Variants in CYB5R1 observed in about 807,000 individuals in gnomAD.
CYB5R1 encodes cytochrome b5 reductase 1, also known as NADH-cytochrome b5 reductase 1.
A neutral mutation model predicts 37.4 loss-of-function variants in CYB5R1; 32 were observed. The observed-to-expected ratio is 0.86, with a 90% CI of 0.65 to 1.15. The LOEUF (loss-of-function observed/expected upper bound fraction) is 1.15. Among genes scored for constraint, CYB5R1 ranks in the 50% most tolerant of loss-of-function variants. The probability of loss-of-function intolerance (pLI) is 0.00; values close to 1 mark genes in which losing one functional copy is unlikely to be tolerated. For synonymous variants in CYB5R1, 159 were observed against 155.2 expected (o/e 1.02, Z -0.18); for missense variants, 345 against 382.5 (o/e 0.90, Z 0.82).
Position 202,965,393 on chromosome 1 carries a change from C to T in CYB5R1, c.453G>A (p.Gly151=). 1 of 1,598,690 alleles carries T rather than the reference C, an allele frequency of 6.3e-7. No homozygotes were observed. The highest frequency in any genetic ancestry group is 8.5e-7 in the Non-Finnish European group (1 of 1,172,864). The change falls in exon 5 of 9, where the codon GGG becomes GGA. Residue 151 remains glycine (G), a synonymous_variant. Transcript: ENST00000367249. ...GDVVEFRGPS[G]LLTYTGKGHF... ...TACCTTTTCCAGTGTAAGTGAGCAA[C>T]CCGCTTGGCCCCCGAAACTCCACCA... is the stretch of plus-strand genomic sequence containing the variant.
intron 3 of CYB5R1, 55 bp from the exon 4 acceptor site, chr1:202,966,048 C>T (rs1655087317): frequency 4.5e-6 from 5 of 1,115,784 alleles, no homozygotes. Context: ...CTGCATCCCT[C>T]AAAATACTCA....
intron 4 of CYB5R1, 72 bp downstream of exon 4, chr1:202,965,815 A>C (rs1267226700): frequency 8.7e-7 from 1 of 1,152,192 alleles, no homozygotes; most frequent in East Asian, 2.4e-5. Flanking sequence ...GCTGTCAGGC[A>C]AATCTTAGAA....
chr1:202,964,780 T>A, intron 5 of CYB5R1, 85 bp from the exon 6 acceptor site: 1 of 937,278 alleles, frequency 1.1e-6, no homozygotes, highest in Admixed American at 1.8e-5. Context: ...AAAATATGCC[T>A]GAGGCCAGTT....
Position 202,964,918 on chromosome 1 carries a change from G to A in CYB5R1, c.476-223C>T, listed in dbSNP as rs1571577400. ...GTGAGTCAGTTCAGCGCCACACAAT[G>A]TATCAGCTGCTTCTGGCAAAGTGTC... On this transcript the variant is annotated intron_variant, in intron 5 of 8. Coordinates refer to ENST00000367249, the MANE Select transcript of CYB5R1 (RefSeq NM_016243.3). 5.2e-5 allele frequency: 29 copies of A among 554,694 alleles called. No individual in the cohort carries two copies. In the East Asian group the frequency reaches 7.8e-4, roughly 15 times the overall value. 34.4% of individuals were successfully genotyped at this position (554,694 alleles called of 1,614,324 possible).
At position 202,967,057 on chromosome 1, in the gene CYB5R1, GGAC is replaced by G; in HGVS notation, c.15+131_15+133del. 13 of 1,429,432 alleles carry G rather than the reference GGAC, an allele frequency of 9.1e-6. No homozygotes were observed. The South Asian group carries it at 1.5e-4, about 16-fold the overall frequency. The allele number at this position is 1,429,432 out of a possible 1,614,324, so 88.5% of individuals were successfully genotyped here. On this transcript the variant is annotated intron_variant, in intron 1 of 8. Coordinates refer to ENST00000367249, the MANE Select transcript of CYB5R1 (RefSeq NM_016243.3). The stretch of plus-strand genomic sequence containing the variant: ...TCCCGAGCCCGGATGTGCGGGATCG[GGAC>G]CCCAGCATCCACGGTGGGCCCAGAG...
intron 7 of CYB5R1, chr1:202,963,402 T>C: frequency 1.7e-6 from 1 of 594,938 alleles, no homozygotes; most frequent in Non-Finnish European, 3.0e-6. Flanking sequence ...GATCTAAGTT[T>C]CTGTGCTCCA....
Position 202,962,167 on chromosome 1 carries a change from A to T in CYB5R1, c.*360T>A. On this transcript the variant is annotated 3_prime_UTR_variant, in exon 9 of 9. Transcript: ENST00000367249. ...GAAGTTTAAGTAAAACCCATTGCAC[A>T]GACTGTTCCTTTCATCACAGACACA... is the stretch of plus-strand genomic sequence containing the variant. 1 of 205,976 alleles carries T rather than the reference A, an allele frequency of 4.9e-6. No homozygotes were observed. The highest frequency in any genetic ancestry group is 9.6e-6 in the Non-Finnish European group (1 of 104,554). 12.8% of individuals were successfully genotyped at this position (205,976 alleles called of 1,614,324 possible).
chr1:202,967,078 G>T, intron 1 of CYB5R1, 113 bp downstream of exon 1: 2 of 1,463,184 alleles, frequency 1.4e-6, no homozygotes, highest in Non-Finnish European at 1.9e-6. Flanking sequence ...TCCACGGTGG[G>T]CCCAGAGCCC....
intron 4 of CYB5R1, among the ~76,000 whole-genome samples, 176 bp downstream of exon 4, chr1:202,965,711 C>A (rs1011304446): frequency 6.6e-6 from 1 of 151,386 alleles, no homozygotes; most frequent in Admixed American, 6.6e-5. Context: ...TGGCTCACTG[C>A]AACCTCCGCC....
Position 202,966,548 on chromosome 1 carries a change from T to TGGTGGGC in CYB5R1, c.211_217dup (p.His73ArgfsTer20). 1 of 1,614,076 alleles carries TGGTGGGC rather than the reference T, an allele frequency of 6.2e-7. No homozygotes were observed. The highest frequency in any genetic ancestry group is 8.5e-7 in the Non-Finnish European group (1 of 1,179,998). ...CTTACCCACAGGCAGCCCCAGAGTG[T>TGGTGGGC]GGTGGGCGGTGGGCAGGGCAAAGCG... On this transcript the variant is annotated frameshift_variant, in exon 3 of 9. Coordinates refer to ENST00000367249, the MANE Select transcript of CYB5R1 (RefSeq NM_016243.3). LOFTEE classifies it high-confidence loss of function.
intron 1 of CYB5R1, 134 bp downstream of exon 1, chr1:202,967,057 G>A (rs1006702832): frequency 2.1e-5 from 30 of 1,429,314 alleles, no homozygotes; most frequent in African/African-American, 4.3e-5. Flanking sequence ...TGCGGGATCG[G>A]GACCCCAGCA....
At chr1:202,967,057 G>C (rs1006702832) in intron 1 of CYB5R1, 134 bp downstream of exon 1, 6 of 1,429,314 alleles carry the variant, frequency 4.2e-6, no homozygotes, top group Non-Finnish European at 5.7e-6. Flanking sequence ...TGCGGGATCG[G>C]GACCCCAGCA....
Position 202,965,931 on chromosome 1 carries a change from C to A in CYB5R1, c.301G>T (p.Val101Phe), listed in dbSNP as rs1025458641. 12 of 1,613,978 alleles carry A rather than the reference C, an allele frequency of 7.4e-6. No homozygotes were observed. The highest frequency in any genetic ancestry group is 1.3e-5 in the African/African-American group (1 of 74,926). ...GSLVIRPYTP[V>F]TSDEDQGYVD... ...TAGCCTTGATCCTCATCACTGGTGA[C>A]AGGAGTGTATGGCCTGATGACCAGG... is the stretch of plus-strand genomic sequence containing the variant. Residue 101 changes from valine (V) to phenylalanine (F), a missense_variant, in exon 4 of 9, where the codon GTC becomes TTC. By Grantham distance (50) the Val-to-Phe change is conservative (BLOSUM62 -1). Coordinates refer to ENST00000367249, the MANE Select transcript of CYB5R1 (RefSeq NM_016243.3).
At chr1:202,963,558 CCAGTTCTGCCCATCCATACCACGTCTCT>C in intron 7 of CYB5R1, 56 bp downstream of exon 7, 1 of 1,010,512 alleles carries the variant, frequency 9.9e-7, no homozygotes, top group Non-Finnish European at 1.5e-6. Context: ...GGGCACTGGG[CCAGTTCTGCCCATCCATACCACGTCTCT>C]CAGCCCTACC....
At chr1:202,966,986 C>A in intron 1 of CYB5R1, 88 bp from the exon 2 acceptor site, 1 of 1,491,170 alleles carries the variant, frequency 6.7e-7, no homozygotes, top group Non-Finnish European at 8.9e-7. Flanking sequence ...CGATCCCGAG[C>A]TCCAGCGCGG....
At chr1:202,967,046 G>T in intron 1 of CYB5R1, 145 bp downstream of exon 1, 1 of 1,413,944 alleles carries the variant, frequency 7.1e-7, no homozygotes, top group Non-Finnish European at 9.6e-7. Flanking sequence ...GAGCCCGGAT[G>T]TGCGGGATCG....
At chr1:202,963,188 A>T (rs1349115832) in intron 7 of CYB5R1, 23 bp from the exon 8 acceptor site, 2 of 1,550,576 alleles carry the variant, frequency 1.3e-6, no homozygotes. Context: ...GGGGAAGGAA[A>T]GTCTTTAGGA....
At position 202,967,034 on chromosome 1, in the gene CYB5R1, C is replaced by T. The variant is rs141561564; in HGVS notation, c.16-136G>A. On this transcript the variant is annotated intron_variant, in intron 1 of 8. Coordinates refer to ENST00000367249, the MANE Select transcript of CYB5R1 (RefSeq NM_016243.3). ...GGCAGAGGGGTAACCTGGCGGAGTC[C>T]CGAGCCCGGATGTGCGGGATCGGGA... The T allele has an allele frequency of 1.1e-3, 1,624 of 1,434,252 alleles. 19 individuals are homozygous for T. The African/African-American group carries it at 0.017, about 15-fold the overall frequency. The allele number at this position is 1,434,252 out of a possible 1,614,324, so 88.8% of individuals were successfully genotyped here. A position where few individuals can be genotyped will look rare whatever the true frequency, so the allele number is the denominator to read the frequency against.
chr1:202,963,412 A>G (rs750972198), intron 7 of CYB5R1: 9 of 594,616 alleles, frequency 1.5e-5, no homozygotes, highest in Non-Finnish European at 2.4e-5. Flanking sequence ...TCTGTGCTCC[A>G]GACTAGATAC....
Sources: allele counts gnomAD v4.1 joint callset (sites outside exome capture counted in the v4.1 genomes callset), GRCh38; gene constraint gnomAD v4.1.1; transcripts MANE v1.5; gene names NCBI Gene and HGNC (gene_info 2026-07-23, HGNC 2026-07-21).